PPP2R5C: variants seen among roughly 807,000 people sequenced by gnomAD.
The protein encoded by PPP2R5C is serine/threonine-protein phosphatase 2A 56 kDa regulatory subunit gamma isoform.
A neutral mutation model predicts 68.9 loss-of-function variants in PPP2R5C; 7 were observed. The ratio of observed to expected loss-of-function variants is 0.10; its 90% CI spans 0.06 to 0.19. PPP2R5C has a LOEUF of 0.19. Ranked by LOEUF, PPP2R5C falls within the 10% of genes least tolerant of loss-of-function variation. The pLI, the probability that PPP2R5C is intolerant of heterozygous loss-of-function variation, is 1.00. For synonymous variants in PPP2R5C, 210 were observed against 222.2 expected (o/e 0.95, Z 0.49); for missense variants, 348 against 641.3 (o/e 0.54, Z 4.94).
At chr14:101,832,018 A>T (rs2040776306) in intron 1 of PPP2R5C, among the ~76,000 whole-genome samples, 1 of 152,248 alleles carries the variant, frequency 6.6e-6, no homozygotes, top group Non-Finnish European at 1.5e-5. Context: ...ATAGTATTGC[A>T]TTTGTAGAAC....
chr14:101,912,719 TGCA>T, intron 12 of PPP2R5C: 2 of 715,894 alleles, frequency 2.8e-6, no homozygotes, highest in Non-Finnish European at 3.8e-6. Flanking sequence ...CTGAATCTTA[TGCA>T]TATACTGTGG....
intron 2 of PPP2R5C, among the ~76,000 whole-genome samples, chr14:101,777,068 A>G (rs1027876779): frequency 1.3e-5 from 2 of 151,534 alleles, no homozygotes; most frequent in African/African-American, 4.9e-5. Flanking sequence ...TTTAGTAGAG[A>G]CAGGGTTTCA....
intron 10 of PPP2R5C, among the ~76,000 whole-genome samples, chr14:101,909,030 C>T (rs2046238953): frequency 6.6e-6 from 1 of 152,152 alleles, no homozygotes; most frequent in South Asian, 2.1e-4. Context: ...GGCTGCAGTC[C>T]CATGGCAGCT....
chr14:101,777,641 T>C (rs1004156652), intron 2 of PPP2R5C, among the ~76,000 whole-genome samples: 1 of 152,202 alleles, frequency 6.6e-6, no homozygotes, highest in Non-Finnish European at 1.5e-5. Flanking sequence ...TGAGCCACCA[T>C]ACCTGGCTTT....
At chr14:101,901,000 G>A (rs2045654703) in intron 8 of PPP2R5C, among the ~76,000 whole-genome samples, 1 of 152,250 alleles carries the variant, frequency 6.6e-6, no homozygotes, top group Non-Finnish European at 1.5e-5. Context: ...CTGTGGATGT[G>A]AGTTAATAAG....
intron 11 of PPP2R5C, among the ~76,000 whole-genome samples, chr14:101,911,147 G>A (rs1176081774): frequency 2.0e-5 from 3 of 151,496 alleles, no homozygotes; most frequent in Non-Finnish European, 4.4e-5. Context: ...GTGTGGTGGC[G>A]GGTGCCTGTA....
chr14:101,897,585 A>G (rs975544778), intron 8 of PPP2R5C, among the ~76,000 whole-genome samples: 2 of 152,102 alleles, frequency 1.3e-5, no homozygotes, highest in South Asian at 2.1e-4. Flanking sequence ...AGGCCAGTCT[A>G]GTCTTTTCAC....
At chr14:101,852,557 C>T (rs2042226860) in intron 1 of PPP2R5C, among the ~76,000 whole-genome samples, 1 of 150,556 alleles carries the variant, frequency 6.6e-6, no homozygotes, top group South Asian at 2.1e-4. Flanking sequence ...CAACCTCAGC[C>T]TCCCGGGTTC....
At chr14:101,860,655 C>T (rs568152298) in intron 2 of PPP2R5C, among the ~76,000 whole-genome samples, 4 of 152,224 alleles carry the variant, frequency 2.6e-5, no homozygotes, top group East Asian at 1.9e-4. Context: ...CAGCAGTGTA[C>T]GGGAGTTCCA....
chr14:101,894,544 G>A, exon 8 of PPP2R5C: 1 of 1,613,878 alleles, frequency 6.2e-7, no homozygotes, highest in Non-Finnish European at 8.5e-7. Flanking sequence ...GAAAAGGACA[G>A]CACCCTCACG....
intron 3 of PPP2R5C, among the ~76,000 whole-genome samples, chr14:101,802,484 G>A (rs372778832): frequency 7.2e-5 from 11 of 152,172 alleles, no homozygotes; most frequent in East Asian, 3.9e-4. Context: ...AGCTCAAAAT[G>A]GATCAAACAC....
chr14:101,823,795 GTTTC>G (rs2040231606), intron 1 of PPP2R5C: 2 of 1,133,252 alleles, frequency 1.8e-6, no homozygotes, highest in Non-Finnish European at 1.1e-6. Context: ...GCTCTTGCAG[GTTTC>G]TTTATCACAG....
chr14:101,821,818 CTG>C (rs1422258277), intron 1 of PPP2R5C, among the ~76,000 whole-genome samples: 1 of 152,026 alleles, frequency 6.6e-6, no homozygotes, highest in Non-Finnish European at 1.5e-5. Context: ...CCCCCGCAGC[CTG>C]TGCATAGGTG....
chr14:101,762,166 C>G (rs2036580227), intron 1 of PPP2R5C, among the ~76,000 whole-genome samples: 1 of 151,558 alleles, frequency 6.6e-6, no homozygotes, highest in Non-Finnish European at 1.5e-5. Flanking sequence ...CTGGGACCTT[C>G]GTGATGGGCC....
Position 101,781,618 on chromosome 14 carries a change from C to T in PPP2R5C, c.94-4400C>T, listed in dbSNP as rs1262848535. Among the ~76,000 whole-genome samples, 1 of 152,272 alleles carries T rather than the reference C, an allele frequency of 6.6e-6. No homozygotes were observed. Among genetic ancestry groups the T allele is most frequent in the African/African-American group, 2.4e-5 (1 of 41,566 alleles). ...GCCTTCCAAGGAGACCCTTAGCTCC[C>T]GCCGGCCGCCTCCGGAGCCTCCGGC... On this transcript the variant is annotated intron_variant, in intron 2 of 14. Transcript: ENST00000328724. The surrounding 1 kb of genome is among the most constrained non-coding windows in gnomAD (Gnocchi z 6.4).
At chr14:101,909,886 C>A (rs931204368) in intron 11 of PPP2R5C, among the ~76,000 whole-genome samples, 196 bp downstream of exon 13, 1 of 152,152 alleles carries the variant, frequency 6.6e-6, no homozygotes, top group Non-Finnish European at 1.5e-5. Flanking sequence ...TAGCTATTCT[C>A]CCCCCTTGTA....
intron 13 of PPP2R5C, among the ~76,000 whole-genome samples, chr14:101,919,969 C>CAAAAAAAAAAAA (rs34641396): frequency 5.7e-5 from 3 of 52,872 alleles, no homozygotes; most frequent in African/African-American, 1.8e-4. Context: ...AACTCCGTCT[C>CAAAAAAAAAAAA]AAAAAAAAAA....
exon 11 of PPP2R5C, chr14:101,909,680 G>A: frequency 1.3e-6 from 2 of 1,595,678 alleles, no homozygotes; most frequent in Non-Finnish European, 1.7e-6. Flanking sequence ...GTTCAAAGCA[G>A]AGAAACTAAA....
At chr14:101,810,448 G>A (rs2039294930) in intron 1 of PPP2R5C, 1 of 159,128 alleles carries the variant, frequency 6.3e-6, no homozygotes, top group Non-Finnish European at 1.4e-5. Context: ...TGCTGCAAAG[G>A]TTTTGTCGAG....
Sources: gnomAD v4.1 joint callset for allele counts (sites outside exome capture counted in the v4.1 genomes callset) on GRCh38, gnomAD v4.1.1 for gene constraint, Gnocchi (gnomAD v3.1) non-coding constraint, MANE v1.5 for transcripts, NCBI Gene and HGNC (gene_info 2026-07-23, HGNC 2026-07-21) for gene names.